Variants in KLHL29 observed in about 807,000 individuals in gnomAD.
KLHL29 encodes kelch-like protein 29.
In KLHL29, 21 loss-of-function variants were observed where a neutral mutation model predicts 80.4. The observed-to-expected ratio is 0.26, with a 90% confidence interval of 0.19 to 0.38. The LOEUF is 0.38. Ranked by LOEUF, KLHL29 falls within the 10% of genes least tolerant of loss-of-function variation. The pLI, the probability that KLHL29 is intolerant of heterozygous loss-of-function variation, is 1.00. For missense variants in KLHL29, 867 were observed against 1,223.9 expected (o/e 0.71, Z 4.35); for synonymous variants, 511 against 526.8 (o/e 0.97, Z 0.41).
chr2:23,513,173 A>G lies in KLHL29; in HGVS notation c.-46+37506A>G, dbSNP rs374337378. ...CACTTTTAAGTCATGGGGAAATGTT[A>G]AATTTGGGGAGGGTGGAAAAAGGGT... On this transcript the variant is annotated intron_variant, in intron 2 of 13. Transcript: ENST00000486442. 1.2e-3 allele frequency among the ~76,000 whole-genome samples: 183 copies of G among 152,334 alleles called. 6 individuals are homozygous for G. In the South Asian group the frequency reaches 0.036, roughly 30 times the overall value.
intron 5 of KLHL29, among the ~76,000 whole-genome samples, chr2:23,657,488 A>C (rs2149167448): frequency 6.6e-6 from 1 of 152,340 alleles, no homozygotes; most frequent in South Asian, 2.1e-4. Context: ...GTCTGTATAT[A>C]TTGCTAATGG....
intron 1 of KLHL29, among the ~76,000 whole-genome samples, chr2:23,426,857 G>T (rs1256872519): frequency 2.0e-5 from 3 of 152,192 alleles, no homozygotes; most frequent in African/African-American, 4.8e-5. Flanking sequence ...GATACAGTCT[G>T]CCATGAGGGT....
At chr2:23,514,897 A>G (rs973257772) in intron 2 of KLHL29, among the ~76,000 whole-genome samples, 11 of 152,220 alleles carry the variant, frequency 7.2e-5, no homozygotes, top group African/African-American at 2.7e-4. Context: ...CCATCCTTCC[A>G]GTTCCTGCAC....
At chr2:23,493,510 A>G (rs1174883627) in intron 2 of KLHL29, among the ~76,000 whole-genome samples, 1 of 152,224 alleles carries the variant, frequency 6.6e-6, no homozygotes, top group Non-Finnish European at 1.5e-5. Context: ...AAGCTGTTTC[A>G]TAAAGCAGTG....
rs1262999204 is a variant in KLHL29 at position 23,681,637 on chromosome 2, C to T, written c.941-2762C>T. On this transcript the variant is annotated intron_variant, in intron 5 of 13. Coordinates refer to ENST00000486442, the MANE Select transcript of KLHL29 (RefSeq NM_052920.2). The surrounding 1 kb of genome is among the most constrained non-coding windows in gnomAD (Gnocchi z 4.2). ...GGGGCTACCAAGCAGGTGTCTCTGC[C>T]CTTCTGTGCTAGAGGAAACAGAGGC... is the stretch of plus-strand genomic sequence containing the variant. Among the ~76,000 whole-genome samples, 1 of 152,106 alleles carries T rather than the reference C, an allele frequency of 6.6e-6. No homozygotes were observed. Among genetic ancestry groups the T allele is most frequent in the African/African-American group, 2.4e-5 (1 of 41,416 alleles).
Position 23,406,342 on chromosome 2 carries a change from AAG to A in KLHL29, c.-154+20564_-154+20565del, listed in dbSNP as rs1491461370. 8.4e-3 allele frequency among the ~76,000 whole-genome samples: 1,204 copies of A among 143,076 alleles called. 43 individuals carry two copies. The highest frequency in any genetic ancestry group is 0.026 in the African/African-American group (1,019 of 39,768). 93.9% of individuals were successfully genotyped at this position (143,076 alleles called of 152,430 possible). A position where few individuals can be genotyped will look rare whatever the true frequency, so the allele number is the denominator to read the frequency against. Reference sequence around the variant, plus strand: ...GACTCCATCTCAAAAAAAAAAAAAAAAGAAAAGAAAACACACATATTATCTAG... The same window carrying A: ...GACTCCATCTCAAAAAAAAAAAAAAAAAAAGAAAACACACATATTATCTAG... On this transcript the variant is annotated intron_variant, in intron 1 of 13. Coordinates refer to ENST00000486442, the MANE Select transcript of KLHL29 (RefSeq NM_052920.2).
intron 3 of KLHL29, among the ~76,000 whole-genome samples, chr2:23,638,216 AG>A (rs1173234984): frequency 6.6e-6 from 1 of 152,066 alleles, no homozygotes; most frequent in African/African-American, 2.4e-5. Flanking sequence ...TGTTTGACAC[AG>A]GGATGTTTAC....
intron 5 of KLHL29, among the ~76,000 whole-genome samples, chr2:23,665,273 G>A (rs56406848): frequency 0.015 from 2,232 of 152,312 alleles, 28 homozygotes; most frequent in Non-Finnish European, 0.023. Flanking sequence ...CACCAGGGGC[G>A]CAGGGCTTGG....
intron 5 of KLHL29, among the ~76,000 whole-genome samples, chr2:23,675,764 G>A (rs145909377): frequency 9.9e-4 from 151 of 152,314 alleles, no homozygotes; most frequent in African/African-American, 3.5e-3. Flanking sequence ...CATACGAAGC[G>A]CAGGGTTATC....
At chr2:23,576,159 G>A (rs556127595) in intron 3 of KLHL29, among the ~76,000 whole-genome samples, 1 of 152,238 alleles carries the variant, frequency 6.6e-6, no homozygotes, top group South Asian at 2.1e-4. Context: ...GTGAAAATTA[G>A]CTGGGCGTGG....
At chr2:23,456,064 A>G (rs1289519214) in intron 1 of KLHL29, among the ~76,000 whole-genome samples, 2 of 152,156 alleles carry the variant, frequency 1.3e-5, no homozygotes, top group Non-Finnish European at 2.9e-5. Context: ...TGACACTTTG[A>G]TCTTGGACTT....
intron 2 of KLHL29, among the ~76,000 whole-genome samples, chr2:23,525,632 G>A (rs1248777263): frequency 6.6e-6 from 1 of 152,156 alleles, no homozygotes; most frequent in Non-Finnish European, 1.5e-5. Context: ...GCTTGGCGGC[G>A]AGGGGCCTGG....
chr2:23,671,276 A>AG (rs1670749269), intron 5 of KLHL29, among the ~76,000 whole-genome samples: 1 of 151,366 alleles, frequency 6.6e-6, no homozygotes, highest in Non-Finnish European at 1.5e-5. Context: ...GGAGGAGGAG[A>AG]CTCGTGTTCT....
At chr2:23,402,941 T>C (rs927171257) in intron 1 of KLHL29, among the ~76,000 whole-genome samples, 10 of 150,356 alleles carry the variant, frequency 6.7e-5, no homozygotes, top group Non-Finnish European at 1.0e-4. Flanking sequence ...TCATATATAA[T>C]CTTATATGTG....
intron 5 of KLHL29, among the ~76,000 whole-genome samples, chr2:23,661,884 A>T (rs1214075199): frequency 6.6e-6 from 1 of 152,254 alleles, no homozygotes; most frequent in Non-Finnish European, 1.5e-5. Flanking sequence ...CTTGTATAGG[A>T]GGAGACCCTG....
chr2:23,644,785 C>T (rs1229016689), intron 5 of KLHL29, among the ~76,000 whole-genome samples: 3 of 152,248 alleles, frequency 2.0e-5, no homozygotes, highest in Admixed American at 6.5e-5. Context: ...GAAATAGGGG[C>T]CCTGCTAAGA....
chr2:23,676,301 G>A (rs7576404), intron 5 of KLHL29, among the ~76,000 whole-genome samples: 15,241 of 152,096 alleles, frequency 0.1, 865 homozygotes, highest in Middle Eastern at 0.17. Context: ...TCCTGCCTCC[G>A]CCTCCTGAGT....
chr2:23,675,445 C>T (rs760247286), intron 5 of KLHL29, among the ~76,000 whole-genome samples: 2 of 149,254 alleles, frequency 1.3e-5, no homozygotes, highest in South Asian at 4.1e-4. Context: ...GAGACTGTAC[C>T]CCTTGACTCC....
chr2:23,541,625 C>G (rs1214431848), intron 2 of KLHL29, among the ~76,000 whole-genome samples: 1 of 152,222 alleles, frequency 6.6e-6, no homozygotes, highest in African/African-American at 2.4e-5. Flanking sequence ...ACCAGCAATG[C>G]AGGGTGATCT....
Sources: gnomAD v4.1 joint callset for allele counts (sites outside exome capture counted in the v4.1 genomes callset) on GRCh38, gnomAD v4.1.1 for gene constraint, Gnocchi (gnomAD v3.1) non-coding constraint, MANE v1.5 for transcripts, NCBI Gene and HGNC (gene_info 2026-07-23, HGNC 2026-07-21) for gene names.